Variants in CD38 observed in about 807,000 individuals in gnomAD.
CD38 encodes the protein CD38 molecule.
A neutral mutation model predicts 36.3 loss-of-function variants in CD38; 31 were observed. The ratio of observed to expected loss-of-function variants is 0.85; its 90% CI spans 0.64 to 1.15. The LOEUF is 1.15. Among genes scored for constraint, CD38 ranks in the 50% most tolerant of loss-of-function variants. The pLI is 0.00. For missense variants in CD38, 380 were observed against 371.9 expected, an observed-to-expected ratio of 1.02 and a Z score of -0.18; for synonymous variants, 131 against 135.2, an observed-to-expected ratio of 0.97 and a Z score of 0.22.
In CD38 at chr4:15,829,540, T is replaced by C. The variant is rs190296986; in HGVS notation, c.499+4524T>C. 2.6e-3 allele frequency among the ~76,000 whole-genome samples: 395 copies of C among 152,314 alleles called. 2 individuals carry two copies. Among genetic ancestry groups the C allele is most frequent in the Non-Finnish European group, 4.6e-3 (312 of 68,026 alleles). On this transcript the variant is annotated intron_variant, in intron 3 of 7. Coordinates refer to ENST00000226279, the MANE Select transcript of CD38 (RefSeq NM_001775.4). ...ATCTCCTAATTTCTAAGAAAGTTTA[T>C]GAATTGAACTTATGTGTTGGGCTGC...
intron 1 of CD38, among the ~76,000 whole-genome samples, chr4:15,811,290 A>AT (rs1723464047): frequency 6.6e-6 from 1 of 152,034 alleles, no homozygotes; most frequent in Non-Finnish European, 1.5e-5. Context: ...TAATTTATGT[A>AT]TTTTTTCTTT....
At chr4:15,837,520 T>C (rs2148927835) in intron 4 of CD38, among the ~76,000 whole-genome samples, 1 of 152,322 alleles carries the variant, frequency 6.6e-6, no homozygotes, top group Non-Finnish European at 1.5e-5. Flanking sequence ...TTTGTTCATT[T>C]CATTTTTCCA....
chr4:15,801,024 A>T (rs534606414), intron 1 of CD38, among the ~76,000 whole-genome samples: 7 of 151,986 alleles, frequency 4.6e-5, no homozygotes, highest in East Asian at 3.9e-4. Context: ...GTTGTTTTTT[A>T]AAAAAAATTG....
intron 1 of CD38, among the ~76,000 whole-genome samples, chr4:15,801,750 T>C (rs1014409629): frequency 7.9e-5 from 12 of 152,140 alleles, no homozygotes; most frequent in Admixed American, 3.3e-4. Flanking sequence ...CATCCCTCCA[T>C]GATAAAAACT....
At chr4:15,814,539 G>T (rs1723542207) in intron 1 of CD38, among the ~76,000 whole-genome samples, 1 of 152,174 alleles carries the variant, frequency 6.6e-6, no homozygotes, top group South Asian at 2.1e-4. Flanking sequence ...GAATGGTATT[G>T]CCTAGATTTT....
chr4:15,783,120 G>A (rs986485595), intron 1 of CD38, among the ~76,000 whole-genome samples: 2 of 152,086 alleles, frequency 1.3e-5, no homozygotes, highest in African/African-American at 4.8e-5. Context: ...GATGTCTCTG[G>A]GCACATGAGA....
At chr4:15,795,797 A>G (rs1723094185) in intron 1 of CD38, among the ~76,000 whole-genome samples, 2 of 152,104 alleles carry the variant, frequency 1.3e-5, no homozygotes, top group South Asian at 4.1e-4. Flanking sequence ...GTAGACAGTT[A>G]TTCTACATTT....
intron 1 of CD38, among the ~76,000 whole-genome samples, chr4:15,815,768 CTGAT>C (rs1481968206): frequency 6.6e-6 from 1 of 152,066 alleles, no homozygotes; most frequent in Non-Finnish European, 1.5e-5. Context: ...TTTCTTATGT[CTGAT>C]TGCCCTGGCC....
intron 2 of CD38, among the ~76,000 whole-genome samples, chr4:15,816,942 C>T (rs949018152): frequency 3.9e-5 from 6 of 152,168 alleles, no homozygotes; most frequent in African/African-American, 7.2e-5. Context: ...CAAATTAACA[C>T]GACCTATATA....
intron 1 of CD38, among the ~76,000 whole-genome samples, chr4:15,790,182 C>T (rs1285689224): frequency 7.2e-6 from 1 of 139,650 alleles, no homozygotes; most frequent in Non-Finnish European, 1.6e-5. Context: ...CCTCCCCCTC[C>T]CTCTCCCTCT....
intron 1 of CD38, among the ~76,000 whole-genome samples, chr4:15,780,532 A>ACACACACACACACACACACACGCG (rs1560303825): frequency 2.1e-5 from 3 of 145,632 alleles, no homozygotes; most frequent in African/African-American, 7.9e-5. Flanking sequence ...ACACACACAC[A>ACACACACACACACACACACACGCG]CACACACACA....
At chr4:15,824,224 A>G in intron 2 of CD38, among the ~76,000 whole-genome samples, 1 of 152,168 alleles carries the variant, frequency 6.6e-6, no homozygotes, top group Non-Finnish European at 1.5e-5. Context: ...TGATGGGTTA[A>G]TAGGTGCAGC....
At chr4:15,839,450 G>A (rs566104659) in intron 5 of CD38, among the ~76,000 whole-genome samples, 25 of 124,000 alleles carry the variant, frequency 2.0e-4, no homozygotes, top group African/African-American at 7.6e-4. Flanking sequence ...TTGAGATGGC[G>A]TCTCGCTCTG....
Position 15,819,386 on chromosome 4 carries a change from G to A in CD38, c.363+2746G>A, listed in dbSNP as rs1263341755. 2.6e-5 allele frequency among the ~76,000 whole-genome samples: 4 copies of A among 151,872 alleles called. No homozygotes were observed. In the East Asian group the frequency reaches 7.7e-4, roughly 29 times the overall value. ...CAATGTTAAAAAAAAAAAAAGAACT[G>A]GGCTGAGGCTGAGGTGGATGAATTG... On this transcript the variant is annotated intron_variant, in intron 2 of 7. Transcript: ENST00000226279.
At chr4:15,808,009 C>T (rs1406650029) in intron 1 of CD38, among the ~76,000 whole-genome samples, 1 of 152,168 alleles carries the variant, frequency 6.6e-6, no homozygotes, top group African/African-American at 2.4e-5. Flanking sequence ...GCATATGTCT[C>T]ATGCAGGAAG....
rs143919965 is a variant in CD38, at chr4:15,835,657, C to T, written c.585+1355C>T. On this transcript the variant is annotated intron_variant, in intron 4 of 7. Coordinates refer to ENST00000226279, the MANE Select transcript of CD38 (RefSeq NM_001775.4). ...CCTCCCAAGGTGCTAAGACTACAGCCATGGGCCACCATGCCCGGCTAATTT... is the reference window on the plus strand; with the variant it reads ...CCTCCCAAGGTGCTAAGACTACAGCTATGGGCCACCATGCCCGGCTAATTT... 2.8e-3 allele frequency among the ~76,000 whole-genome samples: 417 copies of T among 151,276 alleles called. 5 individuals carry two copies. The highest frequency in any genetic ancestry group is 9.7e-3 in the African/African-American group (399 of 41,176).
chr4:15,786,198 G>C (rs182534517), intron 1 of CD38, among the ~76,000 whole-genome samples: 5 of 151,728 alleles, frequency 3.3e-5, no homozygotes, highest in South Asian at 2.1e-4. Context: ...AGTGTAGAAC[G>C]GGACGCCAAT....
At chr4:15,789,629 G>A (rs575700080) in intron 1 of CD38, among the ~76,000 whole-genome samples, 2 of 152,278 alleles carry the variant, frequency 1.3e-5, no homozygotes, top group Non-Finnish European at 2.9e-5. Context: ...AGGTGACTGG[G>A]TCATGAGAGA....
At chr4:15,831,466 G>A (rs139438305) in intron 3 of CD38, among the ~76,000 whole-genome samples, 44 of 152,176 alleles carry the variant, frequency 2.9e-4, no homozygotes, top group Middle Eastern at 3.4e-3. Flanking sequence ...GACAGGTCTC[G>A]TGTTAATTAA....
Sources: gnomAD v4.1 joint callset for allele counts (sites outside exome capture counted in the v4.1 genomes callset) on GRCh38, gnomAD v4.1.1 for gene constraint, MANE v1.5 for transcripts, NCBI Gene and HGNC (gene_info 2026-07-23, HGNC 2026-07-21) for gene names.